CACNB2: variants seen among roughly 807,000 people sequenced by gnomAD.
CACNB2 encodes the protein voltage-dependent L-type calcium channel subunit beta-2.
Under a neutral mutation model 73.3 loss-of-function variants are expected in CACNB2, and 42 were observed. The observed-to-expected ratio is 0.57, with a 90% CI of 0.45 to 0.74. The LOEUF is 0.74. Ranked by LOEUF, CACNB2 falls within the 30% of genes least tolerant of loss-of-function variation. CACNB2 has a pLI of 0.00. For synonymous variants in CACNB2, 348 were observed against 310.3 expected (o/e 1.12, Z -1.28); for missense variants, 940 against 853.0 (o/e 1.10, Z -1.27).
chr10:18,308,367 T>G (rs1027051425), intron 2 of CACNB2, among the ~76,000 whole-genome samples: 6 of 152,148 alleles, frequency 3.9e-5, no homozygotes, highest in Non-Finnish European at 7.3e-5. Flanking sequence ...AGGGAAGGAT[T>G]GCTATCACAG....
intron 3 of CACNB2, among the ~76,000 whole-genome samples, chr10:18,430,099 T>C (rs1035942958): frequency 2.0e-5 from 3 of 150,280 alleles, no homozygotes; most frequent in African/African-American, 7.4e-5. Flanking sequence ...TATTTTACAA[T>C]TATTTACTTA....
At chr10:18,272,786 G>A (rs1213020945) in intron 2 of CACNB2, among the ~76,000 whole-genome samples, 1 of 152,222 alleles carries the variant, frequency 6.6e-6, no homozygotes, top group Non-Finnish European at 1.5e-5. Flanking sequence ...ATGAAGAACT[G>A]TAAGTCCATT....
At chr10:18,433,020 G>T (rs529838004) in intron 3 of CACNB2, among the ~76,000 whole-genome samples, 1 of 151,746 alleles carries the variant, frequency 6.6e-6, no homozygotes, top group Non-Finnish European at 1.5e-5. Context: ...CTTCCCTTTG[G>T]GCTTCCTGTT....
At chr10:18,479,719 C>G (rs1431511445) in intron 3 of CACNB2, among the ~76,000 whole-genome samples, 1 of 152,168 alleles carries the variant, frequency 6.6e-6, no homozygotes, top group Non-Finnish European at 1.5e-5. Flanking sequence ...CTCTCTCGCT[C>G]TCACTCTCTC....
chr10:18,208,381 G>A (rs2035182663), intron 2 of CACNB2, among the ~76,000 whole-genome samples: 1 of 152,140 alleles, frequency 6.6e-6, no homozygotes, highest in Admixed American at 6.5e-5. Flanking sequence ...GGCATGCTAA[G>A]GTGGAAGGAT....
chr10:18,353,757 T>C (rs2041807744), intron 2 of CACNB2, among the ~76,000 whole-genome samples: 1 of 152,248 alleles, frequency 6.6e-6, no homozygotes, highest in Admixed American at 6.5e-5. Flanking sequence ...TGAAAAACTT[T>C]CTTTATACTG....
chr10:18,487,287 G>A (rs974855260), intron 3 of CACNB2, among the ~76,000 whole-genome samples: 6 of 152,118 alleles, frequency 3.9e-5, no homozygotes, highest in Admixed American at 1.3e-4. Context: ...GCACAGCTGC[G>A]GCATTTACCT....
chr10:18,528,907 C>T (rs1289688685), intron 10 of CACNB2, among the ~76,000 whole-genome samples: 1 of 152,142 alleles, frequency 6.6e-6, no homozygotes, highest in Non-Finnish European at 1.5e-5. Context: ...TGGTGTGGAT[C>T]ATGGCTCACT....
At chr10:18,420,251 T>C (rs2045246470) in intron 3 of CACNB2, among the ~76,000 whole-genome samples, 1 of 152,034 alleles carries the variant, frequency 6.6e-6, no homozygotes, top group Non-Finnish European at 1.5e-5. Context: ...ATTCTTTAAG[T>C]AGAAGTCTGT....
At chr10:18,518,013 C>G (rs759882863) in intron 7 of CACNB2, among the ~76,000 whole-genome samples, 4 of 152,184 alleles carry the variant, frequency 2.6e-5, no homozygotes, top group South Asian at 4.1e-4. Flanking sequence ...GCCTAAAGCA[C>G]CTATCTTGCA....
intron 2 of CACNB2, among the ~76,000 whole-genome samples, chr10:18,186,541 G>A (rs963620198): frequency 3.5e-4 from 53 of 152,122 alleles, no homozygotes; most frequent in African/African-American, 1.3e-3. Flanking sequence ...CTCAGCTTCC[G>A]GGGAGGCCTC....
chr10:18,494,755 T>A (rs1318297508), intron 3 of CACNB2, among the ~76,000 whole-genome samples: 1 of 151,992 alleles, frequency 6.6e-6, no homozygotes, highest in Non-Finnish European at 1.5e-5. Context: ...GAATAATGGA[T>A]GGATCTACTA....
At chr10:18,377,787 T>C (rs898164309) in intron 2 of CACNB2, among the ~76,000 whole-genome samples, 1 of 152,206 alleles carries the variant, frequency 6.6e-6, no homozygotes, top group African/African-American at 2.4e-5. Context: ...GGTATAAAAA[T>C]TGGGAATGCG....
At chr10:18,400,069 A>G (rs548097511) in intron 2 of CACNB2, among the ~76,000 whole-genome samples, 4 of 152,228 alleles carry the variant, frequency 2.6e-5, no homozygotes, top group African/African-American at 9.6e-5. Context: ...CAGTTGGAGA[A>G]GCAGTTCGAA....
rs56671616 is a variant in CACNB2 at position 18,438,002 on chromosome 10, ATTTTTTTTTTTTTT to A, written c.333+35979_333+35992del. The stretch of plus-strand genomic sequence containing the variant: ...GTGTCGGGATACCTGGCCCAGTTGG[ATTTTTTTTTTTTTT>A]TTTTTTTTTTTTTTTTTTTGAGATG... On this transcript the variant is annotated intron_variant, in intron 3 of 13. Transcript: ENST00000324631. Among the ~76,000 whole-genome samples, 9 of 41,748 alleles carry A rather than the reference ATTTTTTTTTTTTTT, an allele frequency of 2.2e-4. No homozygotes were observed. The East Asian group carries it at 2.3e-3, about 11-fold the overall frequency. 27.4% of individuals were successfully genotyped at this position (41,748 alleles called of 152,430 possible).
chr10:18,395,541 T>G (rs2043675877), intron 2 of CACNB2, among the ~76,000 whole-genome samples: 1 of 152,224 alleles, frequency 6.6e-6, no homozygotes, highest in African/African-American at 2.4e-5. Flanking sequence ...TAGCTCACAG[T>G]TACAGCACAG....
At chr10:18,376,204 C>T (rs1366326503) in intron 2 of CACNB2, among the ~76,000 whole-genome samples, 1 of 152,136 alleles carries the variant, frequency 6.6e-6, no homozygotes, top group Non-Finnish European at 1.5e-5. Context: ...ATGGATGAAA[C>T]TTGAGGTCGT....
intron 2 of CACNB2, among the ~76,000 whole-genome samples, chr10:18,161,846 T>C (rs1399341470): frequency 6.6e-6 from 1 of 152,030 alleles, no homozygotes; most frequent in Non-Finnish European, 1.5e-5. Context: ...TGAGAATCAC[T>C]TGAACCTGGA....
chr10:18,465,809 G>C (rs747837473), intron 3 of CACNB2, among the ~76,000 whole-genome samples: 1 of 151,400 alleles, frequency 6.6e-6, no homozygotes, highest in South Asian at 2.1e-4. Context: ...AGCCTCCCGA[G>C]TAGCTGGGAT....
Sources: gnomAD v4.1 joint callset for allele counts (sites outside exome capture counted in the v4.1 genomes callset) on GRCh38, gnomAD v4.1.1 for gene constraint, MANE v1.5 for transcripts, NCBI Gene and HGNC (gene_info 2026-07-23, HGNC 2026-07-21) for gene names.